Variants in PARD3B observed in about 807,000 individuals in gnomAD.
PARD3B encodes partitioning defective 3 homolog B.
PARD3B carries 103 observed loss-of-function variants against 130.2 expected under a neutral mutation model. The observed-to-expected ratio is 0.79, with a 90% CI of 0.67 to 0.93. PARD3B has a LOEUF of 0.93. Among genes scored for constraint, PARD3B ranks in the 40% least tolerant of loss-of-function variants. The pLI, the probability that PARD3B is intolerant of heterozygous loss-of-function variation, is 0.00. For synonymous variants in PARD3B, 583 were observed against 553.2 expected, an observed-to-expected ratio of 1.05 and a Z score of -0.76; for missense variants, 1,609 against 1,499.2, an observed-to-expected ratio of 1.07 and a Z score of -1.21.
rs1559580400 is a variant in PARD3B at position 205,244,359 on chromosome 2, A to G, written c.2141-1419A>G. Among the ~76,000 whole-genome samples, 1 of 152,244 alleles carries G rather than the reference A, an allele frequency of 6.6e-6. No individual in the cohort carries two copies. The highest frequency in any genetic ancestry group is 2.1e-4 in the South Asian group (1 of 4,838). The stretch of plus-strand genomic sequence containing the variant: ...ACCACAGTTTTGTGTACTAACATAG[A>G]CAGTGGCACATGGTAATAAACAGCT... On this transcript the variant is annotated intron_variant, in intron 15 of 22. Coordinates refer to ENST00000406610, the MANE Select transcript of PARD3B (RefSeq NM_001302769.2). The surrounding 1 kb of genome is among the most constrained non-coding windows in gnomAD (Gnocchi z 4.7).
At chr2:204,728,801 G>A (rs1009276872) in intron 2 of PARD3B, among the ~76,000 whole-genome samples, 5 of 152,118 alleles carry the variant, frequency 3.3e-5, no homozygotes, top group African/African-American at 1.2e-4. Context: ...TGCTTTTTCA[G>A]TTGTCTTTTC....
chr2:204,832,728 C>T (rs935647661), intron 2 of PARD3B, among the ~76,000 whole-genome samples: 4 of 152,162 alleles, frequency 2.6e-5, no homozygotes, highest in Admixed American at 6.6e-5. Flanking sequence ...AGGGCTGTGG[C>T]TGAAGCGTAG....
intron 1 of PARD3B, among the ~76,000 whole-genome samples, chr2:204,624,001 T>A (rs2034395274): frequency 6.6e-6 from 1 of 152,176 alleles, no homozygotes. Context: ...CTGCATAATA[T>A]TCCATGGTAT....
At chr2:204,652,159 T>C (rs921573009) in intron 1 of PARD3B, among the ~76,000 whole-genome samples, 2 of 152,174 alleles carry the variant, frequency 1.3e-5, no homozygotes, top group African/African-American at 4.8e-5. Context: ...TCTGCAGCTT[T>C]GAATCACCCC....
rs374740638 is a variant in PARD3B, at chr2:205,425,172, T to C, written c.2742-15198T>C. 6.6e-5 allele frequency among the ~76,000 whole-genome samples: 10 copies of C among 152,276 alleles called. 1 individual carries two copies. Among genetic ancestry groups the C allele is most frequent in the African/African-American group, 2.2e-4 (9 of 41,564 alleles). On this transcript the variant is annotated intron_variant, in intron 19 of 22. Transcript: ENST00000406610. ...GGATTGTTATAAAGGAATTAGTTGTTATCAGAGAATATCATAAGCACTCTG... is the reference window on the plus strand; with the variant it reads ...GGATTGTTATAAAGGAATTAGTTGTCATCAGAGAATATCATAAGCACTCTG...
Position 205,241,535 on chromosome 2 carries a change from C to T in PARD3B, c.2141-4243C>T, listed in dbSNP as rs1255665544. ...AAGTAGTACCAGTCCTTGGGTAAAA[C>T]TGAAGGATAAGAAAGGGAATGAAAT... On this transcript the variant is annotated intron_variant, in intron 15 of 22. Transcript: ENST00000406610. This position sits in a 1 kb window ranked among gnomAD's most constrained non-coding sequence, Gnocchi z 4.2. 6.6e-6 allele frequency among the ~76,000 whole-genome samples: 1 copy of T among 151,836 alleles called. No homozygotes were observed.
intron 2 of PARD3B, among the ~76,000 whole-genome samples, chr2:204,840,106 A>C (rs565210797): frequency 2.6e-5 from 4 of 152,316 alleles, no homozygotes; most frequent in South Asian, 2.1e-4. Context: ...ATACAATTTA[A>C]TATTATTAAG....
At chr2:205,611,891 G>A (rs1471611037) in intron 22 of PARD3B, among the ~76,000 whole-genome samples, 2 of 152,086 alleles carry the variant, frequency 1.3e-5, no homozygotes, top group East Asian at 3.8e-4. Flanking sequence ...CATTTGTTAT[G>A]CGGATTCTTG....
rs186915627 is a variant in PARD3B at position 205,407,516 on chromosome 2, A to C, written c.2741+6393A>C. On this transcript the variant is annotated intron_variant, in intron 19 of 22. Transcript: ENST00000406610. This position sits in a 1 kb window ranked among gnomAD's most constrained non-coding sequence, Gnocchi z 4.1. ...ATTGTCTTAATATGTCAGTAAGTAT[A>C]TATTGTTGTTATTCAATTCTAAGAC... is the stretch of plus-strand genomic sequence containing the variant. Among the ~76,000 whole-genome samples the C allele has an allele frequency of 1.7e-3, 259 of 152,308 alleles. 1 individual carries two copies. Among genetic ancestry groups the C allele is most frequent in the Non-Finnish European group, 3.3e-3 (226 of 68,018 alleles).
intron 2 of PARD3B, among the ~76,000 whole-genome samples, chr2:204,922,534 A>G (rs751026689): frequency 2.0e-5 from 3 of 152,102 alleles, no homozygotes; most frequent in Non-Finnish European, 2.9e-5. Context: ...ACGAAAAGTC[A>G]TATTGCATTT....
chr2:205,395,880 T>A (rs2046011180), intron 18 of PARD3B, among the ~76,000 whole-genome samples: 1 of 152,184 alleles, frequency 6.6e-6, no homozygotes, highest in Admixed American at 6.5e-5. Flanking sequence ...ACTAACTCTG[T>A]CTCCTAGTTT....
intron 2 of PARD3B, among the ~76,000 whole-genome samples, chr2:204,829,584 A>G (rs915849581): frequency 1.9e-4 from 29 of 152,156 alleles, no homozygotes; most frequent in Non-Finnish European, 8.8e-5. Context: ...TCTCATGTTG[A>G]ATTGTAATCC....
chr2:204,936,715 G>A (rs552533566), intron 2 of PARD3B, among the ~76,000 whole-genome samples: 2 of 152,136 alleles, frequency 1.3e-5, no homozygotes, highest in Admixed American at 1.3e-4. Flanking sequence ...TCATATTCTT[G>A]TTTTAATATG....
chr2:205,217,846 G>T (rs56257549), intron 15 of PARD3B, among the ~76,000 whole-genome samples: 1 of 88,392 alleles, frequency 1.1e-5, no homozygotes, highest in Non-Finnish European at 2.1e-5. Context: ...GTGTGTATAT[G>T]TGTGTGTGTG....
In PARD3B at chr2:205,460,146, C is replaced by T. The variant is rs2048401176; in HGVS notation, c.3044+19474C>T. ...TTGAGTCTCTGCAATTTCCAAGTCT[C>T]AAAACTAATTCACTAGAAAACATTT... On this transcript the variant is annotated intron_variant, in intron 20 of 22. Coordinates refer to ENST00000406610, the MANE Select transcript of PARD3B (RefSeq NM_001302769.2). The surrounding 1 kb of genome is among the most constrained non-coding windows in gnomAD (Gnocchi z 4.9). Among the ~76,000 whole-genome samples, 1 of 152,098 alleles carries T rather than the reference C, an allele frequency of 6.6e-6. No individual in the cohort carries two copies. The highest frequency in any genetic ancestry group is 2.1e-4 in the South Asian group (1 of 4,826).
At chr2:204,857,738 A>G (rs1391085698) in intron 2 of PARD3B, among the ~76,000 whole-genome samples, 3 of 152,130 alleles carry the variant, frequency 2.0e-5, no homozygotes, top group Admixed American at 2.0e-4. Context: ...CATAGGAAGA[A>G]CACTTCTGGG....
chr2:205,243,682 AG>A (rs1183544569), intron 15 of PARD3B, among the ~76,000 whole-genome samples: 3 of 152,192 alleles, frequency 2.0e-5, no homozygotes, highest in African/African-American at 2.4e-5. Flanking sequence ...CAGGTTTCTC[AG>A]GTAATGACTC....
At position 205,287,012 on chromosome 2, in the gene PARD3B, C is replaced by T. The variant is rs934595146; in HGVS notation, c.2186-13518C>T. 3.3e-5 allele frequency among the ~76,000 whole-genome samples: 5 copies of T among 152,148 alleles called. No individual in the cohort carries two copies. Among genetic ancestry groups the T allele is most frequent in the Non-Finnish European group, 5.9e-5 (4 of 68,024 alleles). ...GTGAGCAAACCAATGTAATAAAACT[C>T]TTCTTGATGTAGAAGATTTGTCACT... On this transcript the variant is annotated intron_variant, in intron 16 of 22. Transcript: ENST00000406610. The surrounding 1 kb of genome is among the most constrained non-coding windows in gnomAD (Gnocchi z 4.8).
intron 2 of PARD3B, among the ~76,000 whole-genome samples, chr2:204,843,470 A>T (rs144986093): frequency 6.6e-6 from 1 of 151,592 alleles, no homozygotes; most frequent in Non-Finnish European, 1.5e-5. Context: ...GTTGACTGCA[A>T]CCTCCACCTG....
Sources: allele counts gnomAD v4.1 joint callset (sites outside exome capture counted in the v4.1 genomes callset), GRCh38; gene constraint gnomAD v4.1.1; non-coding constraint Gnocchi (gnomAD v3.1); transcripts MANE v1.5; gene names NCBI Gene and HGNC (gene_info 2026-07-23, HGNC 2026-07-21).